The following PCYT1A variants were observed in gnomAD, a reference collection of about 807,000 sequenced individuals.
The protein encoded by PCYT1A is phosphate cytidylyltransferase 1A, choline.
A neutral mutation model predicts 43.7 loss-of-function variants in PCYT1A; 25 were observed. The observed-to-expected ratio is 0.57, with a 90% confidence interval of 0.42 to 0.80. The LOEUF is 0.80. Ranked by LOEUF, PCYT1A falls within the 30% of genes least tolerant of loss-of-function variation. PCYT1A has a pLI of 0.00. For missense variants in PCYT1A, 421 were observed against 474.2 expected, an observed-to-expected ratio of 0.89 and a Z score of 1.04; for synonymous variants, 172 against 170.7, an observed-to-expected ratio of 1.01 and a Z score of -0.06.
At chr3:196,278,822 A>T in intron 1 of PCYT1A, among the ~76,000 whole-genome samples, 1 of 147,042 alleles carries the variant, frequency 6.8e-6, no homozygotes, top group East Asian at 2.0e-4. Flanking sequence ...TCTACTAAAA[A>T]GACAAATAAT....
rs1246826845 is a variant in PCYT1A, at chr3:196,237,330, G to C, written c.*1358C>G. ...AGTTAGAGCATGCTCAACAGCAAGTGCTAAGCATTAGCATTCTTTGATTTG... is the reference window on the plus strand; with the variant it reads ...AGTTAGAGCATGCTCAACAGCAAGTCCTAAGCATTAGCATTCTTTGATTTG... On this transcript the variant is annotated 3_prime_UTR_variant, in exon 9 of 9. Transcript: ENST00000431016. 1 of 152,276 alleles carries C rather than the reference G, an allele frequency of 6.6e-6. No homozygotes were observed. The highest frequency in any genetic ancestry group is 2.4e-5 in the African/African-American group (1 of 41,466). 9.4% of individuals were successfully genotyped at this position (152,276 alleles called of 1,614,324 possible). A position where few individuals can be genotyped will look rare whatever the true frequency, so the allele number is the denominator to read the frequency against.
rs1038475192 is a variant in PCYT1A at position 196,257,864 on chromosome 3, A to T, written c.141T>A (p.Phe47Leu). The T allele has an allele frequency of 1.2e-6, 2 of 1,613,396 alleles. No homozygotes were observed. Among genetic ancestry groups the T allele is most frequent in the Non-Finnish European group, 1.7e-6 (2 of 1,179,494 alleles). The change falls in exon 3 of 9, where the codon TTT (phenylalanine) becomes TTA (leucine). Residue 47 changes from phenylalanine (F) to leucine (L), a missense_variant. This residue lies in a region of PCYT1A where 139 missense variants were observed against 117.7 expected (regional missense o/e 1.18). Coordinates refer to ENST00000431016, the MANE Select transcript of PCYT1A (RefSeq NM_001312673.2). ...CAVGLRQPAP[F>L]SDEIEVDFSK... ...TAAAGTCAACTTCAATTTCATCAGA[A>T]AAAGGAGCTGGTTGCCGTAAGCCCT...
rs1057346064 is a variant in PCYT1A at position 196,277,829 on chromosome 3, C to G, written c.-10-7288G>C. 2.6e-5 allele frequency among the ~76,000 whole-genome samples: 4 copies of G among 152,132 alleles called. No homozygotes were observed. Among genetic ancestry groups the G allele is most frequent in the African/African-American group, 9.7e-5 (4 of 41,414 alleles). ...GAGGTTGCAGTGAGCCTAAATCGCA[C>G]GCCACTGCGCTCCAGCCTGGGCGAC... is the stretch of plus-strand genomic sequence containing the variant. On this transcript the variant is annotated intron_variant, in intron 1 of 8. Transcript: ENST00000431016. This position sits in a 1 kb window ranked among gnomAD's most constrained non-coding sequence, Gnocchi z 4.1.
At chr3:196,264,847 C>A (rs1033810912) in intron 2 of PCYT1A, among the ~76,000 whole-genome samples, 10 of 151,832 alleles carry the variant, frequency 6.6e-5, no homozygotes, top group African/African-American at 2.4e-4. Context: ...GTGAGTTTTC[C>A]AAGGGCAAGG....
chr3:196,270,907 C>T (rs1373267057), intron 1 of PCYT1A, among the ~76,000 whole-genome samples: 1 of 152,202 alleles, frequency 6.6e-6, no homozygotes, highest in Non-Finnish European at 1.5e-5. Flanking sequence ...CTATCCTCCG[C>T]ATCATCGATA....
At chr3:196,254,743 C>T (rs1017584060) in intron 3 of PCYT1A, among the ~76,000 whole-genome samples, 3 of 152,166 alleles carry the variant, frequency 2.0e-5, no homozygotes, top group Non-Finnish European at 4.4e-5. Context: ...ATGAATTATA[C>T]GCTGCACCAC....
intron 5 of PCYT1A, among the ~76,000 whole-genome samples, chr3:196,243,838 C>G (rs1724450847): frequency 6.6e-6 from 1 of 152,288 alleles, no homozygotes; most frequent in Non-Finnish European, 1.5e-5. Flanking sequence ...ACTCAGTGCT[C>G]AATGCTGCCC....
intron 2 of PCYT1A, among the ~76,000 whole-genome samples, chr3:196,262,007 C>G (rs1222848941): frequency 6.6e-6 from 1 of 152,042 alleles, no homozygotes; most frequent in Non-Finnish European, 1.5e-5. Context: ...AGAGTTGTTT[C>G]CAGCTAGAAA....
chr3:196,265,959 G>A (rs1429932004), intron 2 of PCYT1A, among the ~76,000 whole-genome samples: 13 of 149,814 alleles, frequency 8.7e-5, no homozygotes, highest in Admixed American at 8.6e-4. Context: ...GACTGGTCTC[G>A]AACTCCTGAC....
intron 3 of PCYT1A, among the ~76,000 whole-genome samples, chr3:196,253,968 T>A (rs1377111457): frequency 6.7e-6 from 1 of 149,580 alleles, no homozygotes; most frequent in African/African-American, 2.4e-5. Flanking sequence ...AATACATATT[T>A]AATATCATTT....
In PCYT1A at chr3:196,287,657, G is replaced by A. The variant is rs1356885692; in HGVS notation, c.-53C>T. On this transcript the variant is annotated 5_prime_UTR_variant, in exon 1 of 9. Coordinates refer to ENST00000431016, the MANE Select transcript of PCYT1A (RefSeq NM_001312673.2). ...CCGAGCCCGGTCCGGTCGGATTTCT[G>A]GCCGGCGCCGCGTCACTGACTAGGG... 6.6e-6 allele frequency: 1 copy of A among 152,198 alleles called. No homozygotes were observed. Among genetic ancestry groups the A allele is most frequent in the African/African-American group, 2.4e-5 (1 of 41,418 alleles). 9.4% of individuals were successfully genotyped at this position (152,198 alleles called of 1,614,324 possible).
chr3:196,255,533 A>T (rs1218495785), intron 3 of PCYT1A, among the ~76,000 whole-genome samples: 3 of 152,224 alleles, frequency 2.0e-5, no homozygotes, highest in Non-Finnish European at 4.4e-5. Flanking sequence ...TATAAGCTTT[A>T]AAACTTGGAA....
chr3:196,267,301 A>C (rs1725304019), intron 2 of PCYT1A: 1 of 456,574 alleles, frequency 2.2e-6, no homozygotes, highest in Non-Finnish European at 4.4e-6. Context: ...ATTTGTATGA[A>C]TGTCCAGAAC....
At chr3:196,248,977 G>T (rs1367491210) in intron 3 of PCYT1A, among the ~76,000 whole-genome samples, 1 of 149,338 alleles carries the variant, frequency 6.7e-6, no homozygotes, top group Non-Finnish European at 1.5e-5. Context: ...AGACAGGATG[G>T]TCTCGATCTC....
chr3:196,238,962 A>G, intron 8 of PCYT1A, 68 bp from the exon 9 acceptor site: 3 of 960,716 alleles, frequency 3.1e-6, no homozygotes, highest in Non-Finnish European at 4.4e-6. Flanking sequence ...TGAAGCATCT[A>G]GGACTGGGAT....
At position 196,247,390 on chromosome 3, in the gene PCYT1A, G is replaced by A. The variant is rs771742784; in HGVS notation, c.463C>T (p.Pro155Ser). Reference sequence around the variant, plus strand: ...ACCCGGTGTTCGGCCAGGAACTCGGGTGTCAGCGTCCAGGGCGCATTCCTC... The same window carrying A: ...ACCCGGTGTTCGGCCAGGAACTCGGATGTCAGCGTCCAGGGCGCATTCCTC... ...VVRNAPWTLT[P>S]EFLAEHRIDF... Residue 155 changes from proline to serine, a missense_variant, in exon 5 of 9, where the codon CCC becomes TCC. Pro to Ser is a moderately conservative substitution (Grantham distance 74, BLOSUM62 -1). Around this residue, in one of 3 missense-constraint regions of PCYT1A, gnomAD observed 174 missense variants for 270.7 expected, o/e 0.64. Transcript: ENST00000431016. This position sits in a 1 kb window ranked among gnomAD's most constrained non-coding sequence, Gnocchi z 4.8. The A allele has an allele frequency of 6.2e-6, 10 of 1,614,166 alleles. No individual in the cohort carries two copies. Among genetic ancestry groups the A allele is most frequent in the South Asian group, 2.2e-5 (2 of 91,082 alleles).
In PCYT1A at chr3:196,235,785, C is replaced by G. The variant is rs1004611535; in HGVS notation, c.*2903G>C. ...GCTCCATAGCCTCAAACGTTAATAT[C>G]TGAAGATTTAGATCCCAGGCATTGT... On this transcript the variant is annotated 3_prime_UTR_variant, in exon 9 of 9. Coordinates refer to ENST00000431016, the MANE Select transcript of PCYT1A (RefSeq NM_001312673.2). This position sits in a 1 kb window ranked among gnomAD's most constrained non-coding sequence, Gnocchi z 4.3. 6.6e-6 allele frequency: 1 copy of G among 152,238 alleles called. No individual in the cohort carries two copies. The highest frequency in any genetic ancestry group is 2.4e-5 in the African/African-American group (1 of 41,454). The allele number at this position is 152,238 out of a possible 1,614,324, so 9.4% of individuals were successfully genotyped here. A position where few individuals can be genotyped will look rare whatever the true frequency, so the allele number is the denominator to read the frequency against.
At position 196,278,273 on chromosome 3, in the gene PCYT1A, AC is replaced by A. The variant is rs146307458; in HGVS notation, c.-10-7733del. Among the ~76,000 whole-genome samples the A allele has an allele frequency of 1.9e-3, 291 of 152,340 alleles. 1 individual carries two copies. Among genetic ancestry groups the A allele is most frequent in the Middle Eastern group, 6.8e-3 (2 of 294 alleles). On this transcript the variant is annotated intron_variant, in intron 1 of 8. Transcript: ENST00000431016. ...CCAGTAACCATTTGGAATACCTCCA[AC>A]AATGAGGAACAATATTTCTTGGACT...
At position 196,270,524 on chromosome 3, in the gene PCYT1A, G is replaced by T. The variant is rs765878411; in HGVS notation, c.8C>A (p.Ala3Glu). 2.9e-5 allele frequency: 46 copies of T among 1,611,646 alleles called. No homozygotes were observed. Among genetic ancestry groups the T allele is most frequent in the Non-Finnish European group, 3.7e-5 (44 of 1,177,882 alleles). The change falls in exon 2 of 9, where the codon GCA becomes GAA. Residue 3 changes from alanine (A) to glutamate (E), a missense_variant. This residue lies in a region of PCYT1A where 139 missense variants were observed against 117.7 expected (regional missense o/e 1.18). Transcript: ENST00000431016. MD[A>E]QCSAKVNARK... is the part of the protein sequence containing the mutation. ...TGCATTGACCTTGGCTGAACACTGTGCATCCATCTTCTTTTAACTGGTCAT... is the reference window on the plus strand; with the variant it reads ...TGCATTGACCTTGGCTGAACACTGTTCATCCATCTTCTTTTAACTGGTCAT...
Sources: gnomAD v4.1 joint callset for allele counts (sites outside exome capture counted in the v4.1 genomes callset) on GRCh38, gnomAD v4.1.1 for gene constraint, gnomAD v4.1.1 regional missense constraint, Gnocchi (gnomAD v3.1) non-coding constraint, MANE v1.5 for transcripts, NCBI Gene and HGNC (gene_info 2026-07-23, HGNC 2026-07-21) for gene names.